SOX5: variants seen among roughly 807,000 people sequenced by gnomAD.
SOX5 encodes transcription factor SOX-5.
Under a neutral mutation model 92.0 loss-of-function variants are expected in SOX5, and 9 were observed. The observed-to-expected ratio is 0.10, with a 90% CI of 0.06 to 0.17. The LOEUF (loss-of-function observed/expected upper bound fraction) is 0.17, where lower values mean the gene tolerates loss of function less well. SOX5 is among the 10% of genes least tolerant of loss of function. SOX5 has a pLI of 1.00. For synonymous variants in SOX5, 344 were observed against 336.3 expected (o/e 1.02, Z -0.25); for missense variants, 642 against 944.5 (o/e 0.68, Z 4.20).
At chr12:24,177,902 T>C (rs1159941417) in intron 4 of SOX5, among the ~76,000 whole-genome samples, 1 of 152,202 alleles carries the variant, frequency 6.6e-6, no homozygotes, top group East Asian at 1.9e-4. Flanking sequence ...AGTGTGTGTG[T>C]TTCAATAGGA....
intron 4 of SOX5, among the ~76,000 whole-genome samples, chr12:24,100,182 T>G (rs1945917443): frequency 6.6e-6 from 1 of 152,130 alleles, no homozygotes; most frequent in Non-Finnish European, 1.5e-5. Flanking sequence ...ATTTCCCATC[T>G]TAAAACAAAT....
chr12:23,802,213 A>G (rs2095671876), intron 3 of SOX5, among the ~76,000 whole-genome samples: 1 of 152,002 alleles, frequency 6.6e-6, no homozygotes, highest in Non-Finnish European at 1.5e-5. Context: ...AGCTGGGACT[A>G]CAGGCACCCA....
chr12:23,694,118 A>G lies in SOX5; in HGVS notation c.811-28554T>C, dbSNP rs559602976. ...TCCCATGATTATGTTTGAGACGTCT[A>G]TTTTTAGTCTACTTGTGAGATTTTA... On this transcript the variant is annotated intron_variant, in intron 6 of 14. Transcript: ENST00000451604. Among the ~76,000 whole-genome samples, 28 of 152,256 alleles carry G rather than the reference A, an allele frequency of 1.8e-4. No individual in the cohort carries two copies. The East Asian group carries it at 2.3e-3, about 13-fold the overall frequency.
chr12:23,999,140 C>CTCTG (rs1555467148), intron 4 of SOX5, among the ~76,000 whole-genome samples: 3 of 141,306 alleles, frequency 2.1e-5, no homozygotes, highest in East Asian at 2.1e-4. Context: ...AAAAAAGACT[C>CTCTG]TGTGTGTGTG....
At chr12:24,377,780 G>A (rs55765241) in intron 1 of SOX5, among the ~76,000 whole-genome samples, 18 of 152,308 alleles carry the variant, frequency 1.2e-4, no homozygotes, top group Middle Eastern at 3.4e-3. Flanking sequence ...CCTACTGCAT[G>A]TGGTTGTTGG....
chr12:23,578,764 C>T (rs1402719333), intron 9 of SOX5, among the ~76,000 whole-genome samples: 1 of 152,036 alleles, frequency 6.6e-6, no homozygotes, highest in East Asian at 1.9e-4. Context: ...ATTCCAGGCA[C>T]TGTTTTCCCC....
chr12:24,224,943 C>A (rs959453985), intron 3 of SOX5, among the ~76,000 whole-genome samples: 2 of 152,206 alleles, frequency 1.3e-5, no homozygotes, highest in African/African-American at 4.8e-5. Context: ...TCTCTCTTTA[C>A]ACAGCATTCT....
chr12:24,425,272 C>G (rs139096039), intron 1 of SOX5, among the ~76,000 whole-genome samples: 2 of 152,252 alleles, frequency 1.3e-5, no homozygotes, highest in African/African-American at 4.8e-5. Flanking sequence ...ATAGGTATAA[C>G]AATTAATCTG....
chr12:24,056,974 CAAA>C (rs60085412), intron 4 of SOX5, among the ~76,000 whole-genome samples: 4 of 36,914 alleles, frequency 1.1e-4, no homozygotes, highest in South Asian at 2.1e-3. Flanking sequence ...GACTCCGTCT[CAAA>C]AAAAAAAAAA....
chr12:23,881,589 G>A (rs777867381), intron 2 of SOX5, among the ~76,000 whole-genome samples: 6 of 152,122 alleles, frequency 3.9e-5, no homozygotes, highest in Non-Finnish European at 5.9e-5. Flanking sequence ...CAAGGGGAGC[G>A]ATTAAACTGA....
intron 3 of SOX5, among the ~76,000 whole-genome samples, chr12:24,243,153 A>T (rs1488432453): frequency 1.3e-5 from 2 of 152,180 alleles, no homozygotes; most frequent in African/African-American, 4.8e-5. Flanking sequence ...AGGTAACAAG[A>T]ATTTAAAAAG....
At chr12:23,783,180 A>G (rs912816467) in intron 3 of SOX5, among the ~76,000 whole-genome samples, 2 of 152,192 alleles carry the variant, frequency 1.3e-5, no homozygotes, top group African/African-American at 4.8e-5. Flanking sequence ...ACTAGTATAT[A>G]AGTTCTAAAG....
chr12:23,848,861 G>T (rs147385977), intron 2 of SOX5, among the ~76,000 whole-genome samples: 16 of 152,242 alleles, frequency 1.1e-4, no homozygotes, highest in African/African-American at 3.4e-4. Flanking sequence ...CATAAAAGAG[G>T]TCTCTAAACT....
chr12:24,033,480 A>T (rs141945698), intron 4 of SOX5, among the ~76,000 whole-genome samples: 6 of 152,154 alleles, frequency 3.9e-5, no homozygotes, highest in African/African-American at 1.4e-4. Context: ...ATGAAAATTC[A>T]GTTCCACAAT....
chr12:24,234,894 T>C (rs1020812817), intron 3 of SOX5, among the ~76,000 whole-genome samples: 8 of 151,996 alleles, frequency 5.3e-5, no homozygotes, highest in African/African-American at 1.9e-4. Context: ...GCTCGTAGCA[T>C]CTAGTGGGCA....
chr12:24,457,448 A>G (rs1943146604), intron 1 of SOX5, among the ~76,000 whole-genome samples: 1 of 152,168 alleles, frequency 6.6e-6, no homozygotes, highest in South Asian at 2.1e-4. Context: ...TTGACATTTT[A>G]GTTAATCTAA....
At chr12:24,057,130 T>C (rs1210554752) in intron 4 of SOX5, among the ~76,000 whole-genome samples, 1 of 151,922 alleles carries the variant, frequency 6.6e-6, no homozygotes, top group Non-Finnish European at 1.5e-5. Context: ...CTGCGTATCC[T>C]AGTTTCAAAT....
chr12:23,623,933 C>T (rs1275897597), intron 8 of SOX5, among the ~76,000 whole-genome samples: 1 of 152,072 alleles, frequency 6.6e-6, no homozygotes, highest in African/African-American at 2.4e-5. Context: ...GTAGAAATAA[C>T]TCAAACGTCC....
intron 3 of SOX5, chr12:23,762,520 T>G (rs942480590): frequency 1.0e-5 from 5 of 480,406 alleles, no homozygotes; most frequent in African/African-American, 1.0e-4. Context: ...TGTCCTGAAG[T>G]GAATTAAACA....
Sources: allele counts gnomAD v4.1 joint callset (sites outside exome capture counted in the v4.1 genomes callset), GRCh38; gene constraint gnomAD v4.1.1; transcripts MANE v1.5; gene names NCBI Gene and HGNC (gene_info 2026-07-23, HGNC 2026-07-21).